ALK: variants seen among roughly 807,000 people sequenced by gnomAD.
ALK encodes ALK tyrosine kinase receptor.
Under a neutral mutation model 163.1 loss-of-function variants are expected in ALK, and 74 were observed. That is an observed-to-expected ratio of 0.45 (90% confidence interval 0.38 to 0.55). The LOEUF is 0.55. Among genes scored for constraint, ALK ranks in the 20% least tolerant of loss-of-function variants. The pLI is 0.00. For missense variants in ALK, 2,063 were observed against 2,105.3 expected (o/e 0.98, Z 0.39); for synonymous variants, 960 against 843.2 (o/e 1.14, Z -2.40).
At chr2:29,568,327 G>A (rs1359484019) in intron 3 of ALK, among the ~76,000 whole-genome samples, 1 of 152,242 alleles carries the variant, frequency 6.6e-6, no homozygotes, top group Non-Finnish European at 1.5e-5. Context: ...ATTGAACAGA[G>A]TGCCTTTCCT....
chr2:29,282,637 A>G (rs1305683064), intron 9 of ALK, among the ~76,000 whole-genome samples: 1 of 152,192 alleles, frequency 6.6e-6, no homozygotes, highest in Non-Finnish European at 1.5e-5. Flanking sequence ...CGACACCAGG[A>G]GCATGAGTAA....
At chr2:29,277,740 G>A (rs1224164121) in intron 9 of ALK, among the ~76,000 whole-genome samples, 3 of 152,198 alleles carry the variant, frequency 2.0e-5, no homozygotes, top group Non-Finnish European at 4.4e-5. Context: ...CCTGTTCTGG[G>A]TGGCTTGGGC....
At chr2:29,331,372 G>A (rs1219013275) in intron 5 of ALK, among the ~76,000 whole-genome samples, 3 of 152,122 alleles carry the variant, frequency 2.0e-5, no homozygotes, top group African/African-American at 7.2e-5. Flanking sequence ...TTTTGGGTTT[G>A]GCAGGGCTGA....
At chr2:29,515,617 T>C (rs937372089) in intron 4 of ALK, among the ~76,000 whole-genome samples, 1 of 152,062 alleles carries the variant, frequency 6.6e-6, no homozygotes, top group Non-Finnish European at 1.5e-5. Context: ...GGAAACACTT[T>C]TGTAGATGTC....
chr2:29,783,259 G>T (rs1663893167), intron 1 of ALK, among the ~76,000 whole-genome samples: 1 of 152,180 alleles, frequency 6.6e-6, no homozygotes, highest in African/African-American at 2.4e-5. Context: ...TAGCTTCGAT[G>T]CTATTCTCTT....
chr2:29,859,756 G>A (rs1234438622), intron 1 of ALK, among the ~76,000 whole-genome samples: 3 of 152,154 alleles, frequency 2.0e-5, no homozygotes, highest in African/African-American at 7.2e-5. Flanking sequence ...AGGAGAAGAC[G>A]GTTTGGTCAC....
chr2:29,767,044 T>C (rs1358335631), intron 1 of ALK, among the ~76,000 whole-genome samples: 1 of 152,198 alleles, frequency 6.6e-6, no homozygotes, highest in East Asian at 1.9e-4. Flanking sequence ...ACAGTGACAA[T>C]GACATCTAGT....
chr2:29,916,209 A>G (rs115552608), intron 1 of ALK, among the ~76,000 whole-genome samples: 44 of 152,318 alleles, frequency 2.9e-4, no homozygotes, highest in African/African-American at 9.1e-4. Context: ...GAGGAATATC[A>G]ATGTCAGAAA....
intron 1 of ALK, among the ~76,000 whole-genome samples, chr2:29,909,205 A>C (rs561275509): frequency 3.8e-4 from 58 of 152,386 alleles, no homozygotes; most frequent in African/African-American, 1.3e-3. Flanking sequence ...AAAATATTTG[A>C]AAGAAACTGT....
chr2:29,770,352 C>A (rs1573621271), intron 1 of ALK, among the ~76,000 whole-genome samples: 1 of 152,214 alleles, frequency 6.6e-6, no homozygotes, highest in African/African-American at 2.4e-5. Context: ...CCACAAGATT[C>A]TCTAACAAAG....
chr2:29,592,781 C>T (rs1461021336), intron 3 of ALK, among the ~76,000 whole-genome samples: 1 of 152,024 alleles, frequency 6.6e-6, no homozygotes, highest in Non-Finnish European at 1.5e-5. Flanking sequence ...CAAAGAGAGG[C>T]AGGAGAAGAG....
Position 29,531,920 on chromosome 2 carries a change from C to T in ALK, c.1149G>A (p.Lys383=), listed in dbSNP as rs767442144. ...GGACATGGAGAAGTACTTACCCATG[C>T]TTCCCTGGAGTGGGCATCAGGAGGA... The part of the protein sequence containing the change: ...REILLMPTPG[K]HGWTVLQGRI... The change falls in exon 4 of 29, where the codon AAG becomes AAA. Residue 383 remains lysine, a synonymous_variant. Transcript: ENST00000389048. 6.2e-7 allele frequency: 1 copy of T among 1,614,004 alleles called. No homozygotes were observed. Among genetic ancestry groups the T allele is most frequent in the African/African-American group, 1.3e-5 (1 of 74,914 alleles).
chr2:29,489,128 A>T (rs936416523), intron 4 of ALK, among the ~76,000 whole-genome samples: 1 of 152,144 alleles, frequency 6.6e-6, no homozygotes, highest in African/African-American at 2.4e-5. Context: ...TTACTTACTT[A>T]TATGTTTACG....
intron 1 of ALK, among the ~76,000 whole-genome samples, chr2:29,741,186 G>T (rs185972195): frequency 1.3e-5 from 2 of 152,162 alleles, no homozygotes; most frequent in African/African-American, 2.4e-5. Context: ...TTTGCTAGGG[G>T]TTAGGAGTAG....
intron 5 of ALK, among the ~76,000 whole-genome samples, chr2:29,331,896 C>A (rs550647378): frequency 6.6e-6 from 1 of 152,134 alleles, no homozygotes; most frequent in South Asian, 2.1e-4. Context: ...ATTTTGTTTC[C>A]AAATCACTTT....
At chr2:29,775,861 A>G (rs1217568625) in intron 1 of ALK, among the ~76,000 whole-genome samples, 1 of 152,188 alleles carries the variant, frequency 6.6e-6, no homozygotes, top group African/African-American at 2.4e-5. Context: ...TTTAGTAAGT[A>G]TTGCAGTGAA....
intron 1 of ALK, among the ~76,000 whole-genome samples, chr2:29,869,744 A>G (rs1436599598): frequency 6.6e-6 from 1 of 152,206 alleles, no homozygotes; most frequent in East Asian, 1.9e-4. Context: ...AATGGATTGA[A>G]TTGCATGCCA....
intron 1 of ALK, among the ~76,000 whole-genome samples, chr2:29,823,235 C>T (rs549071391): frequency 3.3e-5 from 5 of 152,250 alleles, no homozygotes; most frequent in East Asian, 1.9e-4. Flanking sequence ...TCCCCAGCCA[C>T]GTGGAACTGT....
rs535541613 is a variant in ALK, at chr2:29,383,640, T to G, written c.1282+92A>C. On this transcript the variant is annotated intron_variant, in intron 5 of 28. Transcript: ENST00000389048. ...CCCACTCTAGACTTTTCTTCATAAG[T>G]GTGCACATTCCCAGCCAAACATGGT... 5.8e-6 allele frequency: 9 copies of G among 1,557,566 alleles called. No homozygotes were observed. In the African/African-American group the frequency reaches 8.1e-5, roughly 14 times the overall value.
Sources: gnomAD v4.1 joint callset for allele counts (sites outside exome capture counted in the v4.1 genomes callset) on GRCh38, gnomAD v4.1.1 for gene constraint, MANE v1.5 for transcripts, NCBI Gene and HGNC (gene_info 2026-07-23, HGNC 2026-07-21) for gene names.